Variants in MAGI2 observed in about 807,000 individuals in gnomAD.
The protein encoded by MAGI2 is membrane associated guanylate kinase, WW and PDZ domain containing 2.
Under a neutral mutation model 133.3 loss-of-function variants are expected in MAGI2, and 35 were observed. That is an observed-to-expected ratio of 0.26 (90% CI 0.20 to 0.35). The LOEUF (loss-of-function observed/expected upper bound fraction) is 0.35. MAGI2 is among the 10% of genes least tolerant of loss of function. The probability of loss-of-function intolerance (pLI) is 1.00; values close to 1 mark genes in which losing one functional copy is unlikely to be tolerated. For synonymous variants in MAGI2, 729 were observed against 710.6 expected (o/e 1.03, Z -0.41); for missense variants, 1,636 against 1,863.4 (o/e 0.88, Z 2.25).
At chr7:78,236,266 T>C (rs1045329308) in intron 10 of MAGI2, among the ~76,000 whole-genome samples, 4 of 152,152 alleles carry the variant, frequency 2.6e-5, no homozygotes, top group African/African-American at 7.2e-5. Flanking sequence ...AAAGACTTGG[T>C]ACATGACCAA....
At chr7:78,946,368 A>C (rs1801418533) in intron 2 of MAGI2, among the ~76,000 whole-genome samples, 1 of 152,172 alleles carries the variant, frequency 6.6e-6, no homozygotes, top group Admixed American at 6.5e-5. Flanking sequence ...TAGATTTGGC[A>C]CTTGAACCTA....
At chr7:79,268,813 C>A (rs1357599630) in intron 1 of MAGI2, among the ~76,000 whole-genome samples, 4 of 152,132 alleles carry the variant, frequency 2.6e-5, no homozygotes, top group Non-Finnish European at 4.4e-5. Flanking sequence ...CAGCTAATTT[C>A]ACAGGGGGTC....
intron 2 of MAGI2, among the ~76,000 whole-genome samples, chr7:78,717,574 A>G (rs1819843109): frequency 6.6e-6 from 1 of 152,164 alleles, no homozygotes; most frequent in Non-Finnish European, 1.5e-5. Context: ...GAGCCCCAAT[A>G]TTCTCCTTTC....
At chr7:78,367,557 C>T (rs891424254) in intron 7 of MAGI2, among the ~76,000 whole-genome samples, 1 of 152,140 alleles carries the variant, frequency 6.6e-6, no homozygotes, top group Non-Finnish European at 1.5e-5. Context: ...TAACAGAGGC[C>T]GTATTGTCCT....
intron 2 of MAGI2, among the ~76,000 whole-genome samples, chr7:78,634,736 A>C (rs966446853): frequency 6.6e-6 from 1 of 152,210 alleles, no homozygotes; most frequent in Non-Finnish European, 1.5e-5. Context: ...CAGTAATAAC[A>C]AGTAATTATC....
At chr7:78,058,540 C>T (rs938798584) in intron 21 of MAGI2, among the ~76,000 whole-genome samples, 4 of 150,146 alleles carry the variant, frequency 2.7e-5, no homozygotes, top group Non-Finnish European at 5.9e-5. Context: ...GGCGTGATCT[C>T]GGCTCACTGC....
intron 1 of MAGI2, among the ~76,000 whole-genome samples, chr7:79,201,533 G>GT (rs1238458054): frequency 7.3e-5 from 11 of 151,526 alleles, no homozygotes; most frequent in Admixed American, 3.9e-4. Context: ...CTTTTTGTTT[G>GT]TTTTTTTAAT....
At chr7:79,362,722 T>C (rs937596297) in intron 1 of MAGI2, among the ~76,000 whole-genome samples, 1 of 151,970 alleles carries the variant, frequency 6.6e-6, no homozygotes, top group African/African-American at 2.4e-5. Context: ...AAGCCTTGGA[T>C]GAAATCCAAT....
rs532218668 is a variant in MAGI2, at chr7:79,300,207, G to A, written c.301+152813C>T. ...GGCAGAGGTTAGAAGAGTTTGGAGG[G>A]CTCAGAGGAAGACAAGATGATGAGA... is the stretch of plus-strand genomic sequence containing the variant. On this transcript the variant is annotated intron_variant, in intron 1 of 21. Coordinates refer to ENST00000354212, the MANE Select transcript of MAGI2 (RefSeq NM_012301.4). 5.2e-4 allele frequency among the ~76,000 whole-genome samples: 79 copies of A among 152,280 alleles called. 2 individuals are homozygous for A. The South Asian group carries it at 5.6e-3, about 11-fold the overall frequency.
chr7:78,528,149 T>G (rs908234670), intron 3 of MAGI2, among the ~76,000 whole-genome samples: 9 of 152,222 alleles, frequency 5.9e-5, no homozygotes, highest in Non-Finnish European at 1.3e-4. Context: ...GGAAACAATA[T>G]GTGGCAAACT....
intron 1 of MAGI2, among the ~76,000 whole-genome samples, chr7:79,147,466 G>A (rs1822756328): frequency 6.6e-6 from 1 of 152,126 alleles, no homozygotes; most frequent in African/African-American, 2.4e-5. Flanking sequence ...AGTGGCTTGG[G>A]CTGCTTAGCT....
At chr7:78,348,224 A>C (rs1791118443) in intron 7 of MAGI2, among the ~76,000 whole-genome samples, 2 of 152,116 alleles carry the variant, frequency 1.3e-5, no homozygotes, top group Non-Finnish European at 2.9e-5. Flanking sequence ...AAGCAAGACA[A>C]CCTGGGTTTC....
chr7:78,665,769 T>A (rs1813494734), intron 2 of MAGI2, among the ~76,000 whole-genome samples: 1 of 152,190 alleles, frequency 6.6e-6, no homozygotes, highest in South Asian at 2.1e-4. Flanking sequence ...TCATACTTTA[T>A]TGTGTTAATT....
At chr7:79,386,738 G>C (rs1585794728) in intron 1 of MAGI2, among the ~76,000 whole-genome samples, 1 of 152,070 alleles carries the variant, frequency 6.6e-6, no homozygotes, top group East Asian at 1.9e-4. Context: ...AATTCAAATT[G>C]AAAACTATCC....
intron 1 of MAGI2, among the ~76,000 whole-genome samples, chr7:79,443,283 TGC>T (rs1256394049): frequency 0.074 from 3,990 of 54,020 alleles, 117 homozygotes; most frequent in East Asian, 0.17. Flanking sequence ...TGTGTGTGTG[TGC>T]GTGTGTGTGT....
intron 9 of MAGI2, among the ~76,000 whole-genome samples, chr7:78,282,921 A>G (rs1325802419): frequency 6.6e-6 from 1 of 152,150 alleles, no homozygotes; most frequent in Non-Finnish European, 1.5e-5. Context: ...ATGAGCTATC[A>G]GATTCCATTA....
At chr7:78,188,692 C>T (rs986269185) in intron 12 of MAGI2, among the ~76,000 whole-genome samples, 1 of 152,176 alleles carries the variant, frequency 6.6e-6, no homozygotes, top group Non-Finnish European at 1.5e-5. Context: ...GGGGCTTGAT[C>T]TAGCACAGTG....
intron 1 of MAGI2, among the ~76,000 whole-genome samples, chr7:79,043,612 T>C (rs1811892328): frequency 6.8e-6 from 1 of 145,988 alleles, no homozygotes; most frequent in Non-Finnish European, 1.5e-5. Context: ...AAACCAAAAG[T>C]TGGTCTTTGA....
At chr7:78,201,284 T>C in intron 10 of MAGI2, 91 bp from the exon 11 acceptor site, 1 of 603,942 alleles carries the variant, frequency 1.7e-6, no homozygotes, top group Non-Finnish European at 2.8e-6. Context: ...TAATTGATTT[T>C]AAATTAGTTA....
Sources: gnomAD v4.1 joint callset for allele counts (sites outside exome capture counted in the v4.1 genomes callset) on GRCh38, gnomAD v4.1.1 for gene constraint, MANE v1.5 for transcripts, NCBI Gene and HGNC (gene_info 2026-07-23, HGNC 2026-07-21) for gene names.